Variants in POMT2 observed in about 807,000 individuals in gnomAD.
POMT2 encodes protein O-mannosyl-transferase 2.
In POMT2, 75 loss-of-function variants were observed where a neutral mutation model predicts 100.0. That is an observed-to-expected ratio of 0.75 (90% CI 0.62 to 0.91). The LOEUF (loss-of-function observed/expected upper bound fraction) is 0.91. Among genes scored for constraint, POMT2 ranks in the 40% least tolerant of loss-of-function variants. POMT2 has a pLI of 0.00. For synonymous variants in POMT2, 378 were observed against 374.1 expected (o/e 1.01, Z -0.12); for missense variants, 940 against 955.1 (o/e 0.98, Z 0.21).
intron 19 of POMT2, 41 bp from the exon 20 acceptor site, chr14:77,278,549 G>T (rs1326757598): frequency 6.9e-7 from 1 of 1,446,154 alleles, no homozygotes; most frequent in Non-Finnish European, 9.4e-7. Flanking sequence ...CCAGGCAGGG[G>T]GTGACTTCTG....
intron 15 of POMT2, among the ~76,000 whole-genome samples, chr14:77,283,434 T>C (rs540586594): frequency 6.6e-6 from 1 of 152,360 alleles, no homozygotes; most frequent in South Asian, 2.1e-4. Flanking sequence ...GATCTACCTC[T>C]TACACTTAGC....
intron 14 of POMT2, chr14:77,284,400 A>C (rs901146000): frequency 4.8e-6 from 1 of 207,216 alleles, no homozygotes; most frequent in Admixed American, 5.3e-5. Flanking sequence ...GGTGGGAAGA[A>C]GAACAAAATG....
At chr14:77,313,292 A>C (rs1891505004) in intron 1 of POMT2, among the ~76,000 whole-genome samples, 1 of 152,270 alleles carries the variant, frequency 6.6e-6, no homozygotes, top group Admixed American at 6.5e-5. Context: ...GCAAAAGAAT[A>C]GGTCTATTTC....
rs1338852506 is a variant in POMT2 at position 77,296,205 on chromosome 14, T to C, written c.1075A>G (p.Arg359Gly). The C allele has an allele frequency of 1.2e-6, 2 of 1,609,134 alleles. No homozygotes were observed. Among genetic ancestry groups the C allele is most frequent in the Non-Finnish European group, 8.5e-7 (1 of 1,178,316 alleles). The change falls in exon 9 of 21, where the codon AGG becomes GGG. Residue 359 changes from arginine (R) to glycine (G), a missense_variant. Coordinates refer to ENST00000261534, the MANE Select transcript of POMT2 (RefSeq NM_013382.7). ...RMAIGYLHSH[R>G]HLYPEGIGAR... Reference sequence around the variant, plus strand: ...CCAATGCCCTCGGGGTAGAGGTGCCTGTGGGAGTGCAGATAGCCGATGGCC... The same window carrying C: ...CCAATGCCCTCGGGGTAGAGGTGCCCGTGGGAGTGCAGATAGCCGATGGCC...
intron 9 of POMT2, 88 bp downstream of exon 9, chr14:77,296,076 C>T (rs901994158): frequency 2.8e-6 from 3 of 1,073,270 alleles, no homozygotes; most frequent in African/African-American, 3.1e-5. Context: ...GCAGGGCGAA[C>T]AGGATGAGCA....
Position 77,288,792 on chromosome 14 carries a change from T to C in POMT2, c.1223A>G (p.His408Arg), listed in dbSNP as rs1594787166. 6.2e-7 allele frequency: 1 copy of C among 1,613,972 alleles called. No homozygotes were observed. Among genetic ancestry groups the C allele is most frequent in the Non-Finnish European group, 8.5e-7 (1 of 1,179,928 alleles). ...GTGTTCTAGTCGAATAATGTCTCCA[T>C]GTCTTACAAACTCCACTGGGAAGGA... The part of the protein sequence containing the change: ...DPSFPVEFVR[H>R]GDIIRLEHKE... Residue 408 changes from histidine (H) to arginine (R), a missense_variant, in exon 11 of 21, where the codon CAT becomes CGT. By Grantham distance (29) the His-to-Arg change is conservative. Coordinates refer to ENST00000261534, the MANE Select transcript of POMT2 (RefSeq NM_013382.7).
Position 77,284,975 on chromosome 14 carries a change from A to G in POMT2, c.1551T>C (p.Asn517=). The G allele has an allele frequency of 6.2e-7, 1 of 1,612,720 alleles. No homozygotes were observed. The highest frequency in any genetic ancestry group is 1.1e-5 in the South Asian group (1 of 91,052). The change falls in exon 14 of 21, where the codon AAT becomes AAC. Residue 517 remains asparagine, a synonymous_variant. Transcript: ENST00000261534. The part of the protein sequence containing the change: ...YLKETLNSIW[N]VEDHINPKLP... ...ACTTGGGATTGATATGGTCCTCCAC[A>G]TTCCAGATGGAGTTGAGGGTTTCTT... is the stretch of plus-strand genomic sequence containing the variant.
At position 77,280,470 on chromosome 14, in the gene POMT2, G is replaced by C. The variant is rs578133776; in HGVS notation, c.1654-7C>G. On this transcript the variant is annotated splice_region_variant and splice_polypyrimidine_tract_variant and intron_variant, in intron 15 of 20. Coordinates refer to ENST00000261534, the MANE Select transcript of POMT2 (RefSeq NM_013382.7). ...GTTTGAGGCCACTGTTCCCCTGCAT[G>C]AAGGTAGCAAAGAAAGCTAGTCAAG... 6.2e-7 allele frequency: 1 copy of C among 1,614,078 alleles called. No homozygotes were observed. The highest frequency in any genetic ancestry group is 1.3e-5 in the African/African-American group (1 of 74,936).
chr14:77,302,452 A>G (rs1277848579), intron 5 of POMT2, among the ~76,000 whole-genome samples: 1 of 152,216 alleles, frequency 6.6e-6, no homozygotes, highest in Non-Finnish European at 1.5e-5. Flanking sequence ...TGTGAAGGAC[A>G]GCCCTGTCCC....
intron 1 of POMT2, among the ~76,000 whole-genome samples, chr14:77,316,126 G>A (rs2139532134): frequency 6.6e-6 from 1 of 152,288 alleles, no homozygotes; most frequent in Middle Eastern, 3.4e-3. Context: ...TTTTTAAAAG[G>A]ACAGCTATTA....
At chr14:77,304,615 A>C in intron 4 of POMT2, 77 bp downstream of exon 4, 1 of 1,541,304 alleles carries the variant, frequency 6.5e-7, no homozygotes, top group Admixed American at 2.0e-5. Context: ...AGGGCCCTTG[A>C]ATGTACTGAT....
Position 77,285,861 on chromosome 14 carries a change from T to C in POMT2, c.1333-229A>G, listed in dbSNP as rs529638723. Among the ~76,000 whole-genome samples, 5 of 152,302 alleles carry C rather than the reference T, an allele frequency of 3.3e-5. No individual in the cohort carries two copies. The East Asian group carries it at 9.7e-4, about 29-fold the overall frequency. On this transcript the variant is annotated intron_variant, in intron 12 of 20. Transcript: ENST00000261534. The stretch of plus-strand genomic sequence containing the variant: ...AACCAAAAAACAGTAGTATGACTCC[T>C]GGAACCAGAAGTCCAGGAGTCCAAC...
intron 1 of POMT2, among the ~76,000 whole-genome samples, chr14:77,316,857 T>C (rs548128566): frequency 1.3e-5 from 2 of 152,166 alleles, no homozygotes; most frequent in Non-Finnish European, 2.9e-5. Context: ...ATTGAAGCAT[T>C]TGGTATGCCA....
chr14:77,289,251 C>T lies in POMT2; in HGVS notation c.1184-420G>A, dbSNP rs549178974. 8.6e-5 allele frequency among the ~76,000 whole-genome samples: 13 copies of T among 151,952 alleles called. No homozygotes were observed. In the South Asian group the frequency reaches 1.2e-3, roughly 15 times the overall value. The stretch of plus-strand genomic sequence containing the variant: ...ACTAAAAATACAAATAATAGCCGGG[C>T]GTGGTGGTGCACGCCTGTAGTCCCA... On this transcript the variant is annotated intron_variant, in intron 10 of 20. Coordinates refer to ENST00000261534, the MANE Select transcript of POMT2 (RefSeq NM_013382.7).
At chr14:77,287,502 TTCTC>T (rs1282814427) in intron 11 of POMT2, 107 of 139,970 alleles carry the variant, frequency 7.6e-4, no homozygotes, top group Middle Eastern at 3.5e-3. Flanking sequence ...AGCTAATTGC[TTCTC>T]TCTCTGTCTC....
chr14:77,302,381 C>T (rs759122935), intron 5 of POMT2, among the ~76,000 whole-genome samples: 1 of 152,102 alleles, frequency 6.6e-6, no homozygotes, highest in Admixed American at 6.5e-5. Flanking sequence ...CAACCACTGA[C>T]GAAAGGGAGA....
chr14:77,305,445 G>T (rs1891191627), intron 3 of POMT2, among the ~76,000 whole-genome samples: 1 of 152,132 alleles, frequency 6.6e-6, no homozygotes, highest in Non-Finnish European at 1.5e-5. Context: ...CTCACGTTTG[G>T]TTGTCACATC....
chr14:77,299,468 C>A lies in POMT2; in HGVS notation c.910G>T (p.Val304Leu), dbSNP rs1428650782. ...YTATFAVHFM[V>L]LSKSGPGDGF... ...CTCTGTCTGTACCTTTTACTCAGCA[C>A]CATGAAGTGAACAGCAAAGGTGGCT... The change falls in exon 7 of 21, where the codon GTG becomes TTG. Residue 304 changes from valine (V) to leucine (L), a missense_variant. Val to Leu is a conservative substitution (Grantham distance 32). Coordinates refer to ENST00000261534, the MANE Select transcript of POMT2 (RefSeq NM_013382.7). 2 of 1,613,876 alleles carry A rather than the reference C, an allele frequency of 1.2e-6. No individual in the cohort carries two copies. Among genetic ancestry groups the A allele is most frequent in the African/African-American group, 1.3e-5 (1 of 74,990 alleles).
chr14:77,281,203 T>C (rs1890221171), intron 15 of POMT2, among the ~76,000 whole-genome samples: 2 of 152,182 alleles, frequency 1.3e-5, no homozygotes, highest in Admixed American at 6.5e-5. Context: ...GAAACTCTCA[T>C]GCGTGCCTAG....
Sources: gnomAD v4.1 joint callset for allele counts (sites outside exome capture counted in the v4.1 genomes callset) on GRCh38, gnomAD v4.1.1 for gene constraint, MANE v1.5 for transcripts, NCBI Gene and HGNC (gene_info 2026-07-23, HGNC 2026-07-21) for gene names.